The following PREX1 variants were observed in gnomAD, a reference collection of about 807,000 sequenced individuals.
PREX1 encodes the protein phosphatidylinositol-3,4,5-trisphosphate dependent Rac exchange factor 1.
PREX1 carries 41 observed loss-of-function variants against 198.3 expected under a neutral mutation model. The observed-to-expected ratio is 0.21, with a 90% CI of 0.16 to 0.27. The LOEUF (loss-of-function observed/expected upper bound fraction) is 0.27. Ranked by LOEUF, PREX1 falls within the 10% of genes least tolerant of loss-of-function variation. The pLI, the probability that PREX1 is intolerant of heterozygous loss-of-function variation, is 1.00. For synonymous variants in PREX1, 843 were observed against 887.2 expected, an observed-to-expected ratio of 0.95 and a Z score of 0.89; for missense variants, 1,620 against 2,200.7, an observed-to-expected ratio of 0.74 and a Z score of 5.28.
chr20:48,746,999 CACACACACA>C lies in PREX1; in HGVS notation c.291+801_291+809del, dbSNP rs1568848704. On this transcript the variant is annotated intron_variant, in intron 2 of 39. Coordinates refer to ENST00000371941, the MANE Select transcript of PREX1 (RefSeq NM_020820.4). Reference sequence around the variant, plus strand: ...ACACACACACACACACACACACACACACACACACACACCCCACCCCCAGGAGGAGCCATG... The same window carrying C: ...ACACACACACACACACACACACACACCACCCCACCCCCAGGAGGAGCCATG... 4.7e-4 allele frequency among the ~76,000 whole-genome samples: 51 copies of C among 107,978 alleles called. 1 individual carries two copies. The highest frequency in any genetic ancestry group is 5.4e-3 in the Middle Eastern group (1 of 186). 70.8% of individuals were successfully genotyped at this position (107,978 alleles called of 152,430 possible). A position where few individuals can be genotyped will look rare whatever the true frequency, so the allele number is the denominator to read the frequency against.
Position 48,676,175 on chromosome 20 carries a change from C to T in PREX1, c.1665+18G>A. 8 of 1,609,918 alleles carry T rather than the reference C, an allele frequency of 5.0e-6. No homozygotes were observed. The highest frequency in any genetic ancestry group is 6.8e-6 in the Non-Finnish European group (8 of 1,176,234). Reference sequence around the variant, plus strand: ...ACAAAGCAGAACACTGGTCACACACCCCTGAGGAGGCCCTCACCTGAGCCA... The same window carrying T: ...ACAAAGCAGAACACTGGTCACACACTCCTGAGGAGGCCCTCACCTGAGCCA... On this transcript the variant is annotated intron_variant, in intron 14 of 39. Transcript: ENST00000371941.
At chr20:48,844,453 C>A in the PREX1 span, among the ~76,000 whole-genome samples, 1 of 152,128 alleles carries the variant, frequency 6.6e-6, no homozygotes, top group Non-Finnish European at 1.5e-5. Context: ...CTCCTCACCC[C>A]CAGCAGGCAG....
chr20:48,811,638 ACAC>A (rs1209361617), intron 1 of PREX1, among the ~76,000 whole-genome samples: 1 of 142,082 alleles, frequency 7.0e-6, no homozygotes, highest in Non-Finnish European at 1.5e-5. Context: ...CCACACACAC[ACAC>A]ACGTACGTGT....
intron 1 of PREX1, among the ~76,000 whole-genome samples, chr20:48,785,945 AAG>A (rs752254543): frequency 3.5e-4 from 53 of 152,344 alleles, no homozygotes; most frequent in Non-Finnish European, 7.1e-4. Context: ...ACAGGGCAGA[AAG>A]AGCCGGGATG....
At chr20:48,710,748 G>A (rs2089926678) in intron 5 of PREX1, among the ~76,000 whole-genome samples, 1 of 152,266 alleles carries the variant, frequency 6.6e-6, no homozygotes, top group South Asian at 2.1e-4. Context: ...GGAAAGACAG[G>A]CTTGCGAGCG....
chr20:48,883,675 A>G, the PREX1 span, among the ~76,000 whole-genome samples: 1 of 152,262 alleles, frequency 6.6e-6, no homozygotes, highest in East Asian at 1.9e-4. Context: ...TTAGGAATAA[A>G]TTTACAGAAG....
At chr20:48,630,557 G>A (rs1410610569) in intron 36 of PREX1, among the ~76,000 whole-genome samples, 171 bp downstream of exon 36, 1 of 152,220 alleles carries the variant, frequency 6.6e-6, no homozygotes, top group Non-Finnish European at 1.5e-5. Flanking sequence ...AGTTGGGAAT[G>A]GGGAGGAAGC....
At chr20:48,861,768 C>A in the PREX1 span, among the ~76,000 whole-genome samples, 1 of 152,208 alleles carries the variant, frequency 6.6e-6, no homozygotes, top group Non-Finnish European at 1.5e-5. Flanking sequence ...GGGGACCTCA[C>A]AAGAGGCTCT....
At chr20:48,864,169 C>T in the PREX1 span, among the ~76,000 whole-genome samples, 1 of 152,160 alleles carries the variant, frequency 6.6e-6, no homozygotes, top group South Asian at 2.1e-4. Context: ...AATGAAATTT[C>T]GATCTTTCAT....
upstream of PREX1, among the ~76,000 whole-genome samples, chr20:48,828,069 C>T (rs1467444945): frequency 5.4e-5 from 8 of 147,338 alleles, no homozygotes; most frequent in Non-Finnish European, 1.2e-4. Context: ...GAGGGGGCGG[C>T]CCTCGGGGCT....
At chr20:48,713,717 A>G (rs2089946540) in intron 5 of PREX1, among the ~76,000 whole-genome samples, 1 of 150,672 alleles carries the variant, frequency 6.6e-6, no homozygotes, top group Admixed American at 6.6e-5. Flanking sequence ...AGCCTGAGTG[A>G]CAGAACGAAC....
chr20:48,626,044 T>C (rs531397578), intron 39 of PREX1, 117 bp from the exon 40 acceptor site: 4 of 1,140,278 alleles, frequency 3.5e-6, no homozygotes, highest in African/African-American at 1.7e-5. Context: ...CTCACAGGTA[T>C]ATAAAAGATG....
chr20:48,857,800 G>T, the PREX1 span, among the ~76,000 whole-genome samples: 1 of 152,160 alleles, frequency 6.6e-6, no homozygotes, highest in African/African-American at 2.4e-5. Context: ...GGTAGGATTG[G>T]CAGGACTACT....
rs767060388 is a variant in PREX1 at position 48,666,321 on chromosome 20, A to C, written c.1700T>G (p.Leu567Arg). 6.4e-7 allele frequency: 1 copy of C among 1,570,396 alleles called. No individual in the cohort carries two copies. The highest frequency in any genetic ancestry group is 8.6e-7 in the Non-Finnish European group (1 of 1,158,112). ...GCCATTGTTGCACAGACCCACGCCG[A>C]GCGCCACTGCCTCCTCCCGAGTCTG... ...DCQTREEAVA[L>R]GVGLCNNGFM... is the part of the protein sequence containing the mutation. Residue 567 changes from leucine to arginine, a missense_variant, in exon 15 of 40, where the codon CTC (leucine) becomes CGC (arginine). By Grantham distance (102) the Leu-to-Arg change is moderately radical. Coordinates refer to ENST00000371941, the MANE Select transcript of PREX1 (RefSeq NM_020820.4). This position sits in a 1 kb window ranked among gnomAD's most constrained non-coding sequence, Gnocchi z 4.3.
the PREX1 span, among the ~76,000 whole-genome samples, chr20:48,866,910 CAG>C: frequency 6.6e-6 from 1 of 152,042 alleles, no homozygotes; most frequent in Non-Finnish European, 1.5e-5. Flanking sequence ...GCCTGGGAAA[CAG>C]AGGGAGATCC....
intron 1 of PREX1, among the ~76,000 whole-genome samples, chr20:48,798,828 T>G (rs1162811919): frequency 6.6e-6 from 1 of 152,352 alleles, no homozygotes; most frequent in East Asian, 1.9e-4. Context: ...CTGACCCTCC[T>G]GCTGGGATTA....
At chr20:48,862,212 A>C in the PREX1 span, among the ~76,000 whole-genome samples, 1 of 152,154 alleles carries the variant, frequency 6.6e-6, no homozygotes, top group East Asian at 1.9e-4. Context: ...CTGTCTCAAC[A>C]AAAGAAAAAA....
chr20:48,698,432 C>T (rs1164676593), intron 7 of PREX1, among the ~76,000 whole-genome samples: 1 of 152,126 alleles, frequency 6.6e-6, no homozygotes, highest in Non-Finnish European at 1.5e-5. Context: ...GGCAGAGCGG[C>T]GGGGCAGGGC....
At chr20:48,650,239 A>G in intron 23 of PREX1, 33 bp from the exon 24 acceptor site, 1 of 1,570,348 alleles carries the variant, frequency 6.4e-7, no homozygotes, top group Non-Finnish European at 8.8e-7. Flanking sequence ...GTCGTGAATC[A>G]CAGGGCAGGG....
Sources: gnomAD v4.1 joint callset for allele counts (sites outside exome capture counted in the v4.1 genomes callset) on GRCh38, gnomAD v4.1.1 for gene constraint, Gnocchi (gnomAD v3.1) non-coding constraint, MANE v1.5 for transcripts, NCBI Gene and HGNC (gene_info 2026-07-23, HGNC 2026-07-21) for gene names.